The following HDX variants were observed in gnomAD, a reference collection of about 807,000 sequenced individuals.
HDX encodes chromosome X open reading frame 43.
In HDX, 19 loss-of-function variants were observed where a neutral mutation model predicts 45.2. The observed-to-expected ratio is 0.42, with a 90% CI of 0.29 to 0.62. The LOEUF is 0.62. Among genes scored for constraint, HDX ranks in the 20% least tolerant of loss-of-function variants. The pLI, the probability that HDX is intolerant of heterozygous loss-of-function variation, is 0.20. For synonymous variants in HDX, 188 were observed against 172.8 expected, an observed-to-expected ratio of 1.09 and a Z score of -0.69; for missense variants, 532 against 493.9, an observed-to-expected ratio of 1.08 and a Z score of -0.73.
In HDX at chrX:84,393,134, A is replaced by G. The variant is rs2038481051; in HGVS notation, c.1306-31522T>C. On this transcript the variant is annotated intron_variant, in intron 5 of 10. Coordinates refer to ENST00000373177, the MANE Select transcript of HDX (RefSeq NM_001177479.2). ...AAAGAATTTCAGCTTTTCCCCATTC[A>G]GTATGATGTTACCTGTGGATTTGTC... Among the ~76,000 whole-genome samples the G allele has an allele frequency of 2.7e-5, 3 of 111,717 alleles. No individual in the cohort carries two copies. In the South Asian group the frequency reaches 1.1e-3, roughly 41 times the overall value.
chrX:84,481,301 T>C (rs937578390), intron 2 of HDX, among the ~76,000 whole-genome samples: 1 of 111,630 alleles, frequency 9.0e-6, no homozygotes, highest in Admixed American at 9.6e-5. Flanking sequence ...ATTAGTTTTG[T>C]CTATTGTTTT....
chrX:84,458,906 G>T (rs1383500974), intron 4 of HDX, among the ~76,000 whole-genome samples: 1 of 111,467 alleles, frequency 9.0e-6, no homozygotes, highest in Non-Finnish European at 1.9e-5. Context: ...AAAAAAGAAA[G>T]AAATCTTATG....
At chrX:84,326,129 A>G in intron 10 of HDX, 49 bp downstream of exon 10, 5 of 1,163,750 alleles carry the variant, frequency 4.3e-6, no homozygotes, top group Non-Finnish European at 5.8e-6. Flanking sequence ...GTGACATACC[A>G]TTTTTTGACT....
intron 5 of HDX, among the ~76,000 whole-genome samples, chrX:84,438,361 A>T (rs2039685451): frequency 9.0e-6 from 1 of 111,637 alleles, no homozygotes; most frequent in African/African-American, 3.3e-5. Context: ...TATCCATTAT[A>T]AAATAACTTG....
At chrX:84,444,834 T>C (rs918868678) in intron 4 of HDX, among the ~76,000 whole-genome samples, 2 of 111,734 alleles carry the variant, frequency 1.8e-5, no homozygotes, top group African/African-American at 6.5e-5. Context: ...ATATCAATTA[T>C]ATATGATATG....
At chrX:84,337,951 G>A (rs2037001561) in intron 7 of HDX, among the ~76,000 whole-genome samples, 1 of 110,966 alleles carries the variant, frequency 9.0e-6, no homozygotes, top group Non-Finnish European at 1.9e-5. Flanking sequence ...AAACAAGGTA[G>A]CAATGTTCCT....
intron 5 of HDX, among the ~76,000 whole-genome samples, chrX:84,383,725 A>G (rs964572499): frequency 1.8e-5 from 2 of 111,140 alleles, no homozygotes; most frequent in Non-Finnish European, 3.8e-5. Flanking sequence ...TAGTTGCTCA[A>G]AGTGTCTATT....
At chrX:84,388,336 T>C (rs938196596) in intron 5 of HDX, among the ~76,000 whole-genome samples, 1 of 111,383 alleles carries the variant, frequency 9.0e-6, no homozygotes, top group Non-Finnish European at 1.9e-5. Flanking sequence ...TTTCTTGGAT[T>C]GCATGTCAAC....
At chrX:84,326,606 C>T (rs1435019501) in intron 9 of HDX, among the ~76,000 whole-genome samples, 2 of 111,131 alleles carry the variant, frequency 1.8e-5, no homozygotes, top group African/African-American at 6.5e-5. Flanking sequence ...GCCTAATTGG[C>T]ATTCAGATTA....
intron 5 of HDX, among the ~76,000 whole-genome samples, chrX:84,413,861 G>A (rs993740773): frequency 5.4e-5 from 6 of 111,220 alleles, no homozygotes; most frequent in Non-Finnish European, 1.1e-4. Context: ...AATTCATTTA[G>A]GGGAGTAGAT....
At chrX:84,351,043 CT>C (rs1353224713) in intron 6 of HDX, among the ~76,000 whole-genome samples, 6 of 109,708 alleles carry the variant, frequency 5.5e-5, no homozygotes, top group Non-Finnish European at 9.5e-5. Context: ...ATCTATCTAT[CT>C]ATCTATCTAT....
At chrX:84,482,613 CAT>C (rs2040711125) in intron 2 of HDX, among the ~76,000 whole-genome samples, 1 of 111,695 alleles carries the variant, frequency 9.0e-6, no homozygotes, top group Non-Finnish European at 1.9e-5. Flanking sequence ...CCTCCCACAA[CAT>C]GTGGGAATTC....
intron 5 of HDX, among the ~76,000 whole-genome samples, chrX:84,438,222 G>T: frequency 9.0e-6 from 1 of 110,730 alleles, no homozygotes. Context: ...CATCCTTTCA[G>T]AATTCTCCTT....
intron 5 of HDX, among the ~76,000 whole-genome samples, chrX:84,407,152 G>A (rs1175160446): frequency 9.0e-6 from 1 of 110,634 alleles, no homozygotes; most frequent in Non-Finnish European, 1.9e-5. Context: ...AGATTATTTC[G>A]CCACAGAGAT....
chrX:84,361,503 A>G lies in HDX; in HGVS notation c.1415T>C (p.Val472Ala), dbSNP rs917494994. The G allele has an allele frequency of 6.6e-6, 8 of 1,206,585 alleles. No homozygotes were observed. Among genetic ancestry groups the G allele is most frequent in the Non-Finnish European group, 7.8e-6 (7 of 892,645 alleles). Residue 472 changes from valine (V) to alanine (A), a missense_variant, in exon 6 of 11, where the codon GTG (valine) becomes GCG (alanine). By Grantham distance (64) the Val-to-Ala change is moderately conservative. Coordinates refer to ENST00000373177, the MANE Select transcript of HDX (RefSeq NM_001177479.2). The stretch of plus-strand genomic sequence containing the variant: ...ACAGTCAACATTTAATTCAGTTGCC[A>G]CAGCTTCAATTTTCTCTCTACAAAC... ...GSVCREKIEA[V>A]ATELNVDCEI... is the part of the protein sequence containing the mutation.
chrX:84,337,609 A>G (rs2036994169), intron 7 of HDX, among the ~76,000 whole-genome samples: 1 of 111,672 alleles, frequency 9.0e-6, no homozygotes, highest in Non-Finnish European at 1.9e-5. Context: ...ACAAACACAC[A>G]CAGACACACT....
At chrX:84,323,232 G>C (rs779235732) in intron 10 of HDX, among the ~76,000 whole-genome samples, 1 of 110,998 alleles carries the variant, frequency 9.0e-6, no homozygotes, top group Non-Finnish European at 1.9e-5. Flanking sequence ...GGAACTGAGA[G>C]TATATACACA....
chrX:84,415,869 G>A (rs570686071), intron 5 of HDX, among the ~76,000 whole-genome samples: 20 of 111,661 alleles, frequency 1.8e-4, no homozygotes, highest in Non-Finnish European at 3.2e-4. Flanking sequence ...TGAATAGAAC[G>A]TTAAAAACAG....
At chrX:84,393,457 T>A (rs2038488238) in intron 5 of HDX, among the ~76,000 whole-genome samples, 1 of 112,051 alleles carries the variant, frequency 8.9e-6, no homozygotes, top group Admixed American at 9.5e-5. Flanking sequence ...TGTTTCTATG[T>A]TCATCAGACA....
Sources: gnomAD v4.1 joint callset for allele counts (sites outside exome capture counted in the v4.1 genomes callset) on GRCh38, gnomAD v4.1.1 for gene constraint, MANE v1.5 for transcripts, NCBI Gene and HGNC (gene_info 2026-07-23, HGNC 2026-07-21) for gene names.